DGKG: variants seen among roughly 807,000 people sequenced by gnomAD.
DGKG encodes DAG kinase gamma.
Under a neutral mutation model 105.3 loss-of-function variants are expected in DGKG, and 78 were observed. The observed-to-expected ratio is 0.74, with a 90% CI of 0.62 to 0.89. The LOEUF (loss-of-function observed/expected upper bound fraction) is 0.89, where lower values mean the gene tolerates loss of function less well. Ranked by LOEUF, DGKG falls within the 40% of genes least tolerant of loss-of-function variation. DGKG has a pLI of 0.00. For synonymous variants in DGKG, 346 were observed against 367.1 expected (o/e 0.94, Z 0.66); for missense variants, 958 against 1,020.1 (o/e 0.94, Z 0.83).
intron 22 of DGKG, among the ~76,000 whole-genome samples, chr3:186,178,778 C>G (rs916203311): frequency 6.6e-6 from 1 of 152,178 alleles, no homozygotes; most frequent in African/African-American, 2.4e-5. Flanking sequence ...TGGGTCAGGA[C>G]CAGCCAGAAA....
intron 1 of DGKG, among the ~76,000 whole-genome samples, chr3:186,357,025 G>A (rs537424715): frequency 2.0e-5 from 3 of 152,306 alleles, no homozygotes; most frequent in South Asian, 2.1e-4. Flanking sequence ...GGGCCTCTGG[G>A]AGTGTCCAGG....
In DGKG at chr3:186,275,591, T is replaced by C. The variant is rs922306253; in HGVS notation, c.866A>G (p.His289Arg). The change falls in exon 10 of 25, where the codon CAT (histidine) becomes CGT (arginine). Residue 289 changes from histidine (H) to arginine (R), a missense_variant. His to Arg is a conservative substitution (Grantham distance 29). Transcript: ENST00000265022. ...FKKPTYCNFC[H>R]IMLMGVRKQG... is the part of the protein sequence containing the mutation. The stretch of plus-strand genomic sequence containing the variant: ...CTTGCGGACGCCCATGAGCATGATA[T>C]GGCAGAAGTTGCAGTAGGTTGGTTT... 6.2e-7 allele frequency: 1 copy of C among 1,614,248 alleles called. No individual in the cohort carries two copies. Among genetic ancestry groups the C allele is most frequent in the Non-Finnish European group, 8.5e-7 (1 of 1,180,054 alleles).
intron 22 of DGKG, among the ~76,000 whole-genome samples, chr3:186,183,544 G>T (rs4686743): frequency 0.19 from 29,408 of 151,888 alleles, 4,279 homozygotes; most frequent in African/African-American, 0.4. Context: ...AGGCACTGGG[G>T]ATACAAAGAT....
At chr3:186,309,522 A>T (rs1377166395) in intron 2 of DGKG, among the ~76,000 whole-genome samples, 1 of 152,252 alleles carries the variant, frequency 6.6e-6, no homozygotes, top group East Asian at 1.9e-4. Context: ...AACATCACAC[A>T]TATATGTTAT....
intron 3 of DGKG, among the ~76,000 whole-genome samples, chr3:186,300,162 A>C (rs552926612): frequency 4.0e-5 from 6 of 151,780 alleles, no homozygotes; most frequent in Admixed American, 3.9e-4. Flanking sequence ...TAACCCACCC[A>C]CCTTGATCCT....
At chr3:186,360,068 TC>T (rs964065737) in intron 1 of DGKG, among the ~76,000 whole-genome samples, 29 of 152,280 alleles carry the variant, frequency 1.9e-4, no homozygotes, top group African/African-American at 7.0e-4. Context: ...GGTTCTTTCC[TC>T]GCAGAGGCTC....
At position 186,147,380 on chromosome 3, in the gene DGKG, A is replaced by C; in HGVS notation, c.*2710T>G. ...ATTAAGCCTTGTTCTCCTCATTGAG[A>C]TCGAGATAATAATACCTTCTCTGCT... On this transcript the variant is annotated 3_prime_UTR_variant, in exon 25 of 25. Transcript: ENST00000265022. 1 of 979,360 alleles carries C rather than the reference A, an allele frequency of 1.0e-6. No individual in the cohort carries two copies. The highest frequency in any genetic ancestry group is 1.2e-6 in the Non-Finnish European group (1 of 824,080). 60.7% of individuals were successfully genotyped at this position (979,360 alleles called of 1,614,324 possible).
chr3:186,268,843 G>A lies in DGKG; in HGVS notation c.1074C>T (p.Tyr358=), dbSNP rs750861105. The A allele has an allele frequency of 3.7e-6, 6 of 1,613,922 alleles. No individual in the cohort carries two copies. In the South Asian group the frequency reaches 5.5e-5, roughly 15 times the overall value. The part of the protein sequence containing the change: ...CDRCHKSIKC[Y]QSVTARHCVW... ...CGCAGTGCCGCGCGGTGACACTCTG[G>A]TAGCACTTGATACTTTTGTGGCACC... The change falls in exon 12 of 25, where the codon TAC becomes TAT. Residue 358 remains tyrosine (Y), a synonymous_variant. Coordinates refer to ENST00000265022, the MANE Select transcript of DGKG (RefSeq NM_001346.3).
At chr3:186,328,553 C>T (rs1240648971) in intron 1 of DGKG, among the ~76,000 whole-genome samples, 1 of 150,868 alleles carries the variant, frequency 6.6e-6, no homozygotes, top group Non-Finnish European at 1.5e-5. Context: ...CTTGAATTCA[C>T]AGTGGAAAAG....
chr3:186,193,441 A>G (rs1718003268), intron 21 of DGKG, among the ~76,000 whole-genome samples: 1 of 152,116 alleles, frequency 6.6e-6, no homozygotes, highest in Non-Finnish European at 1.5e-5. Flanking sequence ...AGGTTCCCCA[A>G]CCTCTGTGCC....
chr3:186,186,121 G>T (rs1002858618), intron 22 of DGKG, among the ~76,000 whole-genome samples: 6 of 138,778 alleles, frequency 4.3e-5, no homozygotes, highest in African/African-American at 7.7e-5. Context: ...AAAAAAAGAG[G>T]TCAACAATTC....
At chr3:186,258,001 T>C in intron 16 of DGKG, 62 bp from the exon 17 acceptor site, 1 of 1,239,902 alleles carries the variant, frequency 8.1e-7, no homozygotes, top group East Asian at 2.3e-5. Context: ...CATTGATACA[T>C]GTTGAGTCAG....
At chr3:186,260,354 A>G (rs1721705387) in intron 16 of DGKG, 85 bp downstream of exon 16, 17 of 975,740 alleles carry the variant, frequency 1.7e-5, no homozygotes, top group South Asian at 4.3e-5. Context: ...GAGACGAAAG[A>G]AAAAAAAGGT....
chr3:186,321,930 C>G (rs920632504), intron 1 of DGKG, among the ~76,000 whole-genome samples: 1 of 152,204 alleles, frequency 6.6e-6, no homozygotes, highest in African/African-American at 2.4e-5. Flanking sequence ...CCAGCCAGCT[C>G]GACTCTGCTC....
intron 24 of DGKG, chr3:186,158,143 T>A (rs1716125018): frequency 1.5e-6 from 1 of 674,066 alleles, no homozygotes; most frequent in African/African-American, 2.0e-5. Flanking sequence ...TTTTAAGAAC[T>A]AGTTCTAGAG....
intron 2 of DGKG, among the ~76,000 whole-genome samples, chr3:186,309,611 C>A (rs562065734): frequency 6.6e-6 from 1 of 151,990 alleles, no homozygotes; most frequent in Non-Finnish European, 1.5e-5. Context: ...TTAGCTCAGC[C>A]AAAATGGCTA....
intron 2 of DGKG, among the ~76,000 whole-genome samples, chr3:186,320,119 A>G (rs1481927252): frequency 6.6e-6 from 1 of 152,196 alleles, no homozygotes; most frequent in Non-Finnish European, 1.5e-5. Context: ...GAAGTGCTCT[A>G]AGATGTTTGC....
In DGKG at chr3:186,360,853, T is replaced by A. The variant is rs1404609806; in HGVS notation, c.-249+1093A>T. Among the ~76,000 whole-genome samples, 8 of 152,286 alleles carry A rather than the reference T, an allele frequency of 5.3e-5. No individual in the cohort carries two copies. The South Asian group carries it at 1.7e-3, about 32-fold the overall frequency. On this transcript the variant is annotated intron_variant, in intron 1 of 24. Coordinates refer to ENST00000265022, the MANE Select transcript of DGKG (RefSeq NM_001346.3). ...GTTCACCTCCAGATCCAAAGTGTCG[T>A]CGCCAAGCCCCCAAAATAAAGGAAT...
chr3:186,318,919 G>C, intron 2 of DGKG, among the ~76,000 whole-genome samples: 1 of 152,296 alleles, frequency 6.6e-6, no homozygotes, highest in Middle Eastern at 3.4e-3. Context: ...AGTTTATCCA[G>C]CTGTACCAGA....
Sources: gnomAD v4.1 joint callset for allele counts (sites outside exome capture counted in the v4.1 genomes callset) on GRCh38, gnomAD v4.1.1 for gene constraint, MANE v1.5 for transcripts, NCBI Gene and HGNC (gene_info 2026-07-23, HGNC 2026-07-21) for gene names.